The following ARL15 variants were observed in gnomAD, a reference collection of about 807,000 sequenced individuals.
The protein encoded by ARL15 is ARF like GTPase 15, also known as ADP-ribosylation factor-like protein 15.
In ARL15, 19 loss-of-function variants were observed where a neutral mutation model predicts 25.2. The observed-to-expected ratio is 0.75, with a 90% CI of 0.53 to 1.10. The LOEUF (loss-of-function observed/expected upper bound fraction) is 1.10, where lower values mean the gene tolerates loss of function less well. Ranked by LOEUF, ARL15 falls within the 50% of genes least tolerant of loss-of-function variation. The probability of loss-of-function intolerance (pLI) is 0.00; values close to 1 mark genes in which losing one functional copy is unlikely to be tolerated. For missense variants in ARL15, 220 were observed against 246.0 expected, an observed-to-expected ratio of 0.89 and a Z score of 0.71; for synonymous variants, 94 against 86.8, an observed-to-expected ratio of 1.08 and a Z score of -0.46.
At chr5:54,050,775 C>T (rs968310922) in intron 4 of ARL15, among the ~76,000 whole-genome samples, 1 of 152,162 alleles carries the variant, frequency 6.6e-6, no homozygotes, top group Admixed American at 6.6e-5. Flanking sequence ...TGAAATATCT[C>T]TTCAGCTGTT....
At chr5:54,138,932 A>T (rs948158674) in intron 3 of ARL15, among the ~76,000 whole-genome samples, 6 of 152,348 alleles carry the variant, frequency 3.9e-5, no homozygotes, top group African/African-American at 1.4e-4. Flanking sequence ...AATATCAGTA[A>T]TCATCAGGGA....
intron 1 of ARL15, among the ~76,000 whole-genome samples, chr5:54,238,870 C>T (rs35310921): frequency 0.077 from 11,771 of 152,172 alleles, 579 homozygotes; most frequent in Non-Finnish European, 0.11. Flanking sequence ...TGGCAAAGAC[C>T]GAGATGAAAT....
rs145368636 is a variant in ARL15, at chr5:53,964,732, T to C, written c.463-78019A>G. On this transcript the variant is annotated intron_variant, in intron 4 of 4. Coordinates refer to ENST00000504924, the MANE Select transcript of ARL15 (RefSeq NM_019087.3). ...CTCCCTGAGATAGTAGGGATTTTCG[T>C]ATTCTTCTAATCTTACTTCTTCCTA... 4.5e-3 allele frequency among the ~76,000 whole-genome samples: 689 copies of C among 152,382 alleles called. 3 individuals are homozygous for C. The highest frequency in any genetic ancestry group is 0.014 in the Middle Eastern group (4 of 294).
chr5:54,098,448 T>C (rs1190859422), intron 4 of ARL15, among the ~76,000 whole-genome samples: 2 of 152,092 alleles, frequency 1.3e-5, no homozygotes, highest in African/African-American at 2.4e-5. Flanking sequence ...ATGGCCACTG[T>C]AACCCTGCAT....
chr5:54,304,106 T>C (rs575857052), intron 1 of ARL15, among the ~76,000 whole-genome samples: 1 of 152,306 alleles, frequency 6.6e-6, no homozygotes, highest in East Asian at 1.9e-4. Flanking sequence ...TCTGTACCTG[T>C]TTACTTAAGA....
chr5:54,293,365 TAAGTA>T (rs1430976674), intron 1 of ARL15, among the ~76,000 whole-genome samples: 1 of 152,210 alleles, frequency 6.6e-6, no homozygotes, highest in African/African-American at 2.4e-5. Context: ...AATAAACGTG[TAAGTA>T]AATATCATAA....
intron 4 of ARL15, among the ~76,000 whole-genome samples, chr5:54,017,191 C>T (rs191904023): frequency 3.0e-4 from 46 of 152,226 alleles, no homozygotes; most frequent in African/African-American, 9.6e-4. Context: ...AGAATCCACC[C>T]GTGAGCACAA....
At chr5:54,192,669 C>A (rs950641477) in intron 1 of ARL15, among the ~76,000 whole-genome samples, 1 of 97,854 alleles carries the variant, frequency 1.0e-5, no homozygotes, top group African/African-American at 4.3e-5. Flanking sequence ...GGGTGGGGGG[C>A]GGGTCTAGAC....
intron 4 of ARL15, among the ~76,000 whole-genome samples, chr5:53,892,144 T>C (rs1251278728): frequency 1.3e-5 from 2 of 152,234 alleles, no homozygotes; most frequent in Admixed American, 6.5e-5. Flanking sequence ...AAGAGGGATA[T>C]GATTACTTAG....
intron 4 of ARL15, among the ~76,000 whole-genome samples, chr5:53,895,437 C>A (rs72763125): frequency 6.6e-6 from 1 of 152,122 alleles, no homozygotes; most frequent in Non-Finnish European, 1.5e-5. Context: ...GCTAAGACCA[C>A]AAGAACAAGC....
At chr5:54,180,392 A>G (rs1309948565) in intron 1 of ARL15, among the ~76,000 whole-genome samples, 1 of 152,174 alleles carries the variant, frequency 6.6e-6, no homozygotes, top group Non-Finnish European at 1.5e-5. Flanking sequence ...GTTCTTGCAA[A>G]CAAGTTCAAA....
At chr5:54,058,342 T>C (rs373244611) in intron 4 of ARL15, among the ~76,000 whole-genome samples, 10 of 152,106 alleles carry the variant, frequency 6.6e-5, no homozygotes, top group African/African-American at 2.4e-4. Flanking sequence ...ACACTTCATT[T>C]TTTCCTACAA....
At chr5:54,116,550 A>G (rs1022937079) in intron 3 of ARL15, among the ~76,000 whole-genome samples, 2 of 152,236 alleles carry the variant, frequency 1.3e-5, no homozygotes, top group Non-Finnish European at 2.9e-5. Context: ...GACTCAATGC[A>G]GCATGCTTTA....
chr5:53,955,737 GCAGTCTTAAAGGCAA>G (rs1197791784), intron 4 of ARL15, among the ~76,000 whole-genome samples: 1 of 152,194 alleles, frequency 6.6e-6, no homozygotes, highest in African/African-American at 2.4e-5. Flanking sequence ...TGGCTCAGCA[GCAGTCTTAAAGGCAA>G]CAGTCTGGAT....
At chr5:54,225,872 T>A (rs1308428615) in intron 1 of ARL15, among the ~76,000 whole-genome samples, 1 of 151,986 alleles carries the variant, frequency 6.6e-6, no homozygotes, top group Non-Finnish European at 1.5e-5. Flanking sequence ...TACCTTCTCA[T>A]TGAAAAAGGA....
In ARL15 at chr5:54,255,966, C is replaced by G. The variant is rs144236833; in HGVS notation, c.48+54466G>C. Among the ~76,000 whole-genome samples, 717 of 151,748 alleles carry G rather than the reference C, an allele frequency of 4.7e-3. 6 individuals are homozygous for G. The highest frequency in any genetic ancestry group is 8.2e-3 in the Non-Finnish European group (560 of 67,920). On this transcript the variant is annotated intron_variant, in intron 1 of 4. Coordinates refer to ENST00000504924, the MANE Select transcript of ARL15 (RefSeq NM_019087.3). The stretch of plus-strand genomic sequence containing the variant: ...GCACTAAATGCCAACATCAACAAGT[C>G]TGAAAGTTCACAAAATGACAACCTA...
intron 4 of ARL15, among the ~76,000 whole-genome samples, chr5:53,965,303 G>T (rs375452310): frequency 1.8e-4 from 28 of 152,278 alleles, no homozygotes; most frequent in Non-Finnish European, 2.4e-4. Context: ...TGGTATTTTG[G>T]TGGAAGAAGA....
chr5:53,916,041 G>C (rs914386971), intron 4 of ARL15, among the ~76,000 whole-genome samples: 3 of 152,008 alleles, frequency 2.0e-5, no homozygotes, highest in Non-Finnish European at 4.4e-5. Flanking sequence ...CAAGTAACTG[G>C]GACTGCAGGC....
chr5:54,007,169 C>T (rs1194815793), intron 4 of ARL15, among the ~76,000 whole-genome samples: 3 of 151,970 alleles, frequency 2.0e-5, no homozygotes, highest in Non-Finnish European at 4.4e-5. Context: ...TTCTGGAAAA[C>T]AGTTTTTGAA....
Sources: allele counts gnomAD v4.1 joint callset (sites outside exome capture counted in the v4.1 genomes callset), GRCh38; gene constraint gnomAD v4.1.1; transcripts MANE v1.5; gene names NCBI Gene and HGNC (gene_info 2026-07-23, HGNC 2026-07-21).